The following ARHGAP19 variants were observed in gnomAD, a reference collection of about 807,000 sequenced individuals.
ARHGAP19 encodes the protein rho GTPase-activating protein 19.
Under a neutral mutation model 60.9 loss-of-function variants are expected in ARHGAP19, and 48 were observed. The observed-to-expected ratio is 0.79, with a 90% CI of 0.62 to 1.00. ARHGAP19 has a LOEUF of 1.00. Ranked by LOEUF, ARHGAP19 falls within the 50% of genes least tolerant of loss-of-function variation. The pLI, the probability that ARHGAP19 is intolerant of heterozygous loss-of-function variation, is 0.00. For synonymous variants in ARHGAP19, 209 were observed against 215.5 expected, an observed-to-expected ratio of 0.97 and a Z score of 0.27; for missense variants, 562 against 597.2, an observed-to-expected ratio of 0.94 and a Z score of 0.61.
intron 4 of ARHGAP19, among the ~76,000 whole-genome samples, chr10:97,262,197 ATT>A (rs1261131757): frequency 3.5e-4 from 3 of 8,660 alleles, no homozygotes; most frequent in Non-Finnish European, 6.2e-4. Context: ...AAAAAAAAAA[ATT>A]TTTTTTTTTT....
At chr10:97,248,774 A>G (rs1389420880) in intron 6 of ARHGAP19, among the ~76,000 whole-genome samples, 2 of 152,196 alleles carry the variant, frequency 1.3e-5, no homozygotes, top group Non-Finnish European at 2.9e-5. Context: ...GCCGGTTAAC[A>G]AGGGCTATCA....
intron 10 of ARHGAP19, 139 bp downstream of exon 10, chr10:97,229,625 G>T: frequency 1.6e-6 from 1 of 644,274 alleles, no homozygotes; most frequent in Non-Finnish European, 2.7e-6. Context: ...CAGAAAGAAG[G>T]TAGCATAAAT....
At chr10:97,272,129 GTC>G (rs1214936417) in intron 1 of ARHGAP19, among the ~76,000 whole-genome samples, 1 of 69,162 alleles carries the variant, frequency 1.4e-5, no homozygotes, top group Non-Finnish European at 2.9e-5. Context: ...TGGGAAATAT[GTC>G]TTTTTTTTTT....
At chr10:97,268,016 G>GA (rs1463638533) in intron 1 of ARHGAP19, among the ~76,000 whole-genome samples, 2 of 152,216 alleles carry the variant, frequency 1.3e-5, no homozygotes, top group African/African-American at 4.8e-5. Context: ...TTTCTCTGCA[G>GA]AAAATGAGTC....
intron 6 of ARHGAP19, among the ~76,000 whole-genome samples, chr10:97,251,258 GGGGAAGGGAAT>G: frequency 3.5e-5 from 1 of 28,170 alleles, no homozygotes; most frequent in Non-Finnish European, 8.4e-5. Context: ...GGGGAGGGAA[GGGGAAGGGAAT>G]GGGAAGGGAA....
intron 4 of ARHGAP19, among the ~76,000 whole-genome samples, chr10:97,262,692 C>T (rs1431138308): frequency 1.3e-5 from 2 of 151,896 alleles, no homozygotes; most frequent in Non-Finnish European, 2.9e-5. Context: ...AATAAAATTT[C>T]CAAGAGTAGA....
intron 4 of ARHGAP19, 128 bp from the exon 5 acceptor site, chr10:97,259,756 A>G: frequency 2.9e-6 from 2 of 678,058 alleles, no homozygotes. Context: ...CAGAAACACA[A>G]TTCAAAGACT....
chr10:97,252,779 A>T (rs1382259743), intron 6 of ARHGAP19, among the ~76,000 whole-genome samples: 2 of 152,188 alleles, frequency 1.3e-5, no homozygotes, highest in Non-Finnish European at 2.9e-5. Flanking sequence ...GAACTACCAT[A>T]TAATACATCA....
chr10:97,230,160 A>G (rs1400567288), intron 9 of ARHGAP19, among the ~76,000 whole-genome samples: 1 of 152,216 alleles, frequency 6.6e-6, no homozygotes, highest in Admixed American at 6.5e-5. Flanking sequence ...AATATAGGTC[A>G]ATTACAGTGT....
intron 11 of ARHGAP19, 138 bp downstream of exon 11, chr10:97,229,009 G>T: frequency 1.2e-6 from 1 of 825,760 alleles, no homozygotes; most frequent in Non-Finnish European, 2.1e-6. Context: ...ATGAACTCAA[G>T]GGCAAGGACC....
intron 9 of ARHGAP19, among the ~76,000 whole-genome samples, chr10:97,234,642 ATAAATT>A (rs1851095913): frequency 6.6e-6 from 1 of 152,180 alleles, no homozygotes; most frequent in South Asian, 2.1e-4. Flanking sequence ...TTGAAGACTT[ATAAATT>A]TAATCTGCAA....
rs373943357 is a variant in ARHGAP19 at position 97,229,783 on chromosome 10, C to T, written c.1376G>A (p.Ser459Asn). 69 of 1,607,482 alleles carry T rather than the reference C, an allele frequency of 4.3e-5. 3 individuals are homozygous for T. The South Asian group carries it at 7.1e-4, about 16-fold the overall frequency. ...TCTTACTAAGTTCCTATTTTCTTTG[C>T]TGGTTCCCTTCAATTCACCAATGGC... is the stretch of plus-strand genomic sequence containing the variant. ...SVAIGELKGT[S>N]KENRNLLFSG... The change falls in exon 10 of 12, where the codon AGC (serine) becomes AAC (asparagine). Residue 459 changes from serine (S) to asparagine (N), a missense_variant. Coordinates refer to ENST00000358531, the MANE Select transcript of ARHGAP19 (RefSeq NM_032900.6).
rs535414863 is a variant in ARHGAP19, at chr10:97,274,441, G to A, written c.57-8316C>T. 9.8e-4 allele frequency among the ~76,000 whole-genome samples: 148 copies of A among 151,574 alleles called. 1 individual carries two copies. Among genetic ancestry groups the A allele is most frequent in the African/African-American group, 3.5e-3 (142 of 41,118 alleles). ...GATTGCGCCACTGTACTCTAGCCTG[G>A]GCAACAGAGCAAGACTCCATCTTAA... On this transcript the variant is annotated intron_variant, in intron 1 of 11. Coordinates refer to ENST00000358531, the MANE Select transcript of ARHGAP19 (RefSeq NM_032900.6).
intron 1 of ARHGAP19, among the ~76,000 whole-genome samples, chr10:97,279,118 GA>G (rs1843053243): frequency 6.6e-6 from 1 of 152,108 alleles, no homozygotes; most frequent in South Asian, 2.1e-4. Context: ...AACTATCAAA[GA>G]AAAGACTGTA....
intron 6 of ARHGAP19, 144 bp downstream of exon 6, chr10:97,256,174 C>G (rs1398012765): frequency 2.5e-5 from 18 of 716,006 alleles, no homozygotes; most frequent in Middle Eastern, 2.5e-4. Context: ...GTTGTTACCC[C>G]CTGGGTTTTG....
At chr10:97,234,896 T>C (rs775415645) in intron 9 of ARHGAP19, among the ~76,000 whole-genome samples, 9 of 152,088 alleles carry the variant, frequency 5.9e-5, no homozygotes, top group Non-Finnish European at 8.8e-5. Context: ...TAAAGAAGTG[T>C]GTAACTCGAA....
intron 1 of ARHGAP19, among the ~76,000 whole-genome samples, chr10:97,268,341 G>T (rs926868276): frequency 6.6e-6 from 1 of 152,108 alleles, no homozygotes; most frequent in Non-Finnish European, 1.5e-5. Flanking sequence ...ACTTTCCCAC[G>T]TTTCCCTGTC....
At chr10:97,255,568 C>A (rs1330623828) in intron 6 of ARHGAP19, among the ~76,000 whole-genome samples, 1 of 151,838 alleles carries the variant, frequency 6.6e-6, no homozygotes, top group Admixed American at 6.6e-5. Flanking sequence ...CAGAGTGAGA[C>A]CTTGTCTGAA....
At chr10:97,268,220 C>T (rs1411977720) in intron 1 of ARHGAP19, among the ~76,000 whole-genome samples, 1 of 152,180 alleles carries the variant, frequency 6.6e-6, no homozygotes, top group Admixed American at 6.5e-5. Flanking sequence ...TATATAAGTT[C>T]CCAACAAGTT....
Sources: gnomAD v4.1 joint callset for allele counts (sites outside exome capture counted in the v4.1 genomes callset) on GRCh38, gnomAD v4.1.1 for gene constraint, MANE v1.5 for transcripts, NCBI Gene and HGNC (gene_info 2026-07-23, HGNC 2026-07-21) for gene names.